ATP6V0A4: variants seen among roughly 807,000 people sequenced by gnomAD.
The protein encoded by ATP6V0A4 is V-type proton ATPase 116 kDa subunit a 4.
In ATP6V0A4, 86 loss-of-function variants were observed where a neutral mutation model predicts 107.3. The observed-to-expected ratio is 0.80, with a 90% confidence interval of 0.67 to 0.96. The LOEUF is 0.96. ATP6V0A4 is among the 40% of genes least tolerant of loss of function. ATP6V0A4 has a pLI of 0.00. For synonymous variants in ATP6V0A4, 353 were observed against 381.4 expected (o/e 0.93, Z 0.87); for missense variants, 908 against 1,045.6 (o/e 0.87, Z 1.81).
At chr7:138,772,279 T>C (rs1012801756) in intron 2 of ATP6V0A4, among the ~76,000 whole-genome samples, 2 of 152,124 alleles carry the variant, frequency 1.3e-5, no homozygotes, top group Non-Finnish European at 2.9e-5. Flanking sequence ...GAGAAACAGA[T>C]GAACAAGAAT....
At chr7:138,750,407 T>A (rs971386597) in intron 11 of ATP6V0A4, among the ~76,000 whole-genome samples, 4 of 152,070 alleles carry the variant, frequency 2.6e-5, no homozygotes, top group African/African-American at 9.7e-5. Flanking sequence ...TACAGTGCTA[T>A]GTTACACAGG....
intron 1 of ATP6V0A4, among the ~76,000 whole-genome samples, chr7:138,797,213 T>C (rs3823492): frequency 1.1e-4 from 16 of 145,768 alleles, no homozygotes; most frequent in South Asian, 2.2e-4. Context: ...ATTTTCTTTT[T>C]TTTTTTTTTT....
intron 13 of ATP6V0A4, 118 bp from the exon 14 acceptor site, chr7:138,745,398 A>G: frequency 6.9e-7 from 1 of 1,453,932 alleles, no homozygotes; most frequent in Non-Finnish European, 9.5e-7. Context: ...GGGGAGCCAC[A>G]TGACCACAGC....
At chr7:138,729,623 A>G (rs1431518428) in intron 17 of ATP6V0A4, among the ~76,000 whole-genome samples, 1 of 152,086 alleles carries the variant, frequency 6.6e-6, no homozygotes, top group Admixed American at 6.6e-5. Flanking sequence ...TACACACCCC[A>G]GTGACCAGTT....
At chr7:138,741,598 C>T (rs1253556598) in intron 14 of ATP6V0A4, among the ~76,000 whole-genome samples, 2 of 152,142 alleles carry the variant, frequency 1.3e-5, no homozygotes, top group Non-Finnish European at 1.5e-5. Context: ...AATCATACCT[C>T]GATACAGGCA....
chr7:138,782,366 C>T (rs796989342), intron 2 of ATP6V0A4, among the ~76,000 whole-genome samples: 1 of 152,314 alleles, frequency 6.6e-6, no homozygotes, highest in African/African-American at 2.4e-5. Context: ...ATTAGGGGCC[C>T]ACCCCACTCT....
chr7:138,708,964 T>A (rs1479755481), intron 21 of ATP6V0A4, among the ~76,000 whole-genome samples: 1 of 152,026 alleles, frequency 6.6e-6, no homozygotes, highest in East Asian at 1.9e-4. Flanking sequence ...ATCCCAGCAC[T>A]TCAGGAGGCT....
intron 1 of ATP6V0A4, among the ~76,000 whole-genome samples, chr7:138,797,633 T>C (rs1808745877): frequency 6.6e-6 from 1 of 152,102 alleles, no homozygotes; most frequent in African/African-American, 2.4e-5. Context: ...GGTTGAATGA[T>C]GCGTGTTTGT....
chr7:138,762,726 A>G (rs1806888376), intron 6 of ATP6V0A4, among the ~76,000 whole-genome samples, 174 bp downstream of exon 6: 1 of 152,054 alleles, frequency 6.6e-6, no homozygotes, highest in Non-Finnish European at 1.5e-5. Context: ...TTTCCCTTCA[A>G]TCCAACCAGC....
In ATP6V0A4 at chr7:138,778,242, G is replaced by C. The variant is rs570427947; in HGVS notation, c.-17-6978C>G. Among the ~76,000 whole-genome samples, 11 of 151,992 alleles carry C rather than the reference G, an allele frequency of 7.2e-5. No homozygotes were observed. The East Asian group carries it at 1.4e-3, about 19-fold the overall frequency. On this transcript the variant is annotated intron_variant, in intron 2 of 21. Transcript: ENST00000310018. ...TACAAAAAAATTAGCGGGGCGTGGT[G>C]GTGGGTGCCTGTAGTCCCAGCTACA...
intron 2 of ATP6V0A4, among the ~76,000 whole-genome samples, chr7:138,784,224 A>ATATG (rs1563020647): frequency 5.3e-5 from 5 of 93,654 alleles, no homozygotes; most frequent in African/African-American, 2.4e-4. Flanking sequence ...TTATATATAT[A>ATATG]TATATATATA....
Position 138,769,147 on chromosome 7 carries a change from GAAAA to G in ATP6V0A4, c.196+22_196+25del, listed in dbSNP as rs55813808. The G allele has an allele frequency of 1.7e-3, 2,625 of 1,560,180 alleles. 17 individuals are homozygous for G. In the South Asian group the frequency reaches 0.025, roughly 15 times the overall value. On this transcript the variant is annotated intron_variant, in intron 4 of 21. Coordinates refer to ENST00000310018, the MANE Select transcript of ATP6V0A4 (RefSeq NM_020632.3). Reference sequence around the variant, plus strand: ...TTGCCAGTTCACATTTGAACAGTAAGAAAAAAAAAAAAAAAATTGGCTTACGGAG... The same window carrying G: ...TTGCCAGTTCACATTTGAACAGTAAGAAAAAAAAAAAATTGGCTTACGGAG...
chr7:138,726,060 G>T (rs1562985552), intron 18 of ATP6V0A4, among the ~76,000 whole-genome samples: 2 of 152,008 alleles, frequency 1.3e-5, no homozygotes, highest in Admixed American at 6.6e-5. Flanking sequence ...TGCAATTTCG[G>T]CTCACTGCAA....
At chr7:138,740,997 A>T (rs1408398457) in intron 14 of ATP6V0A4, among the ~76,000 whole-genome samples, 1 of 151,604 alleles carries the variant, frequency 6.6e-6, no homozygotes, top group African/African-American at 2.4e-5. Context: ...TACAAAAATT[A>T]GTTGGGCGTG....
intron 2 of ATP6V0A4, among the ~76,000 whole-genome samples, chr7:138,775,882 C>A (rs1198346569): frequency 6.6e-6 from 1 of 151,982 alleles, no homozygotes; most frequent in Non-Finnish European, 1.5e-5. Flanking sequence ...GATCTCCTGA[C>A]CTTGTGATCC....
intron 21 of ATP6V0A4, 73 bp downstream of exon 21, chr7:138,709,551 C>G: frequency 6.9e-7 from 1 of 1,439,522 alleles, no homozygotes. Flanking sequence ...CGATCTGAAC[C>G]CAGTCGGCTG....
chr7:138,711,743 C>T (rs1350657975), intron 20 of ATP6V0A4, among the ~76,000 whole-genome samples: 1 of 152,236 alleles, frequency 6.6e-6, no homozygotes, highest in Non-Finnish European at 1.5e-5. Flanking sequence ...GTGATCTTCA[C>T]AGCTCAGGCT....
chr7:138,761,326 C>T (rs1401299576), intron 7 of ATP6V0A4, among the ~76,000 whole-genome samples: 7 of 114,202 alleles, frequency 6.1e-5, no homozygotes, highest in African/African-American at 2.5e-4. Context: ...AGTGAGAGCC[C>T]GTGTCAAAAA....
intron 1 of ATP6V0A4, among the ~76,000 whole-genome samples, chr7:138,788,113 T>G (rs913880925): frequency 6.6e-6 from 1 of 152,216 alleles, no homozygotes; most frequent in Non-Finnish European, 1.5e-5. Context: ...CAAACAATCA[T>G]TGACTTGACT....
Sources: gnomAD v4.1 joint callset for allele counts (sites outside exome capture counted in the v4.1 genomes callset) on GRCh38, gnomAD v4.1.1 for gene constraint, MANE v1.5 for transcripts, NCBI Gene and HGNC (gene_info 2026-07-23, HGNC 2026-07-21) for gene names.